The following MAN1A2 variants were observed in gnomAD, a reference collection of about 807,000 sequenced individuals.
MAN1A2 encodes the protein mannosyl-oligosaccharide 1,2-alpha-mannosidase IB.
A neutral mutation model predicts 75.7 loss-of-function variants in MAN1A2; 26 were observed. The observed-to-expected ratio is 0.34, with a 90% CI of 0.25 to 0.48. The LOEUF (loss-of-function observed/expected upper bound fraction) is 0.48. Among genes scored for constraint, MAN1A2 ranks in the 20% least tolerant of loss-of-function variants. MAN1A2 has a pLI of 0.99. For synonymous variants in MAN1A2, 247 were observed against 264.6 expected, an observed-to-expected ratio of 0.93 and a Z score of 0.65; for missense variants, 562 against 775.5, an observed-to-expected ratio of 0.72 and a Z score of 3.27.
At chr1:117,452,104 C>T (rs549930126) in intron 6 of MAN1A2, among the ~76,000 whole-genome samples, 17 of 152,060 alleles carry the variant, frequency 1.1e-4, no homozygotes, top group African/African-American at 3.9e-4. Context: ...GTCAGGAGTT[C>T]GAGACCAGCC....
At chr1:117,425,134 G>T (rs981132641) in intron 5 of MAN1A2, among the ~76,000 whole-genome samples, 15 of 141,496 alleles carry the variant, frequency 1.1e-4, no homozygotes, top group Non-Finnish European at 1.8e-4. Context: ...GGGGAAGGAA[G>T]GGGAAAGGAA....
rs1344904789 is a variant in MAN1A2, at chr1:117,442,159, A to G, written c.856-72A>G. ...CCCAGTACCTTGTGCTATGTATACT[A>G]TGAGAGAGAGAGCAATAAGTAAATG... On this transcript the variant is annotated intron_variant, in intron 5 of 12. Transcript: ENST00000356554. 9.5e-6 allele frequency: 9 copies of G among 950,774 alleles called. No individual in the cohort carries two copies. In the African/African-American group the frequency reaches 1.5e-4, roughly 15 times the overall value. 58.9% of individuals were successfully genotyped at this position (950,774 alleles called of 1,614,324 possible). A position where few individuals can be genotyped will look rare whatever the true frequency, so the allele number is the denominator to read the frequency against.
At chr1:117,404,217 G>A (rs914573034) in intron 2 of MAN1A2, among the ~76,000 whole-genome samples, 3 of 152,112 alleles carry the variant, frequency 2.0e-5, no homozygotes, top group African/African-American at 7.2e-5. Context: ...GAGTTTTCTT[G>A]TAATATCTTT....
chr1:117,503,153 T>C (rs532264449), intron 12 of MAN1A2, among the ~76,000 whole-genome samples, 183 bp downstream of exon 12: 10 of 151,728 alleles, frequency 6.6e-5, no homozygotes, highest in African/African-American at 2.2e-4. Context: ...ATAAGGTAGG[T>C]ATTTTATCAA....
chr1:117,434,793 G>A (rs1570742494), intron 5 of MAN1A2, among the ~76,000 whole-genome samples: 1 of 129,460 alleles, frequency 7.7e-6, no homozygotes, highest in South Asian at 2.5e-4. Context: ...GTGTGTGTGT[G>A]TGTATCCATT....
chr1:117,490,986 T>A (rs1650864339), intron 8 of MAN1A2, among the ~76,000 whole-genome samples: 1 of 151,898 alleles, frequency 6.6e-6, no homozygotes, highest in Non-Finnish European at 1.5e-5. Context: ...AGGAGAAGAG[T>A]TTGAGGCTTA....
At chr1:117,442,545 T>A (rs1465418141) in intron 6 of MAN1A2, among the ~76,000 whole-genome samples, 5 of 152,190 alleles carry the variant, frequency 3.3e-5, no homozygotes. Context: ...TGTCTTAACT[T>A]GATTGCAGTT....
chr1:117,482,318 ATTTACACTCCCACCAACAGTGT>A (rs1188851854), intron 8 of MAN1A2, among the ~76,000 whole-genome samples: 1 of 151,970 alleles, frequency 6.6e-6, no homozygotes, highest in Non-Finnish European at 1.5e-5. Context: ...GGTTGAACTA[ATTTACACTCCCACCAACAGTGT>A]AAAAGTGTTC....
At chr1:117,429,682 G>T (rs1648527645) in intron 5 of MAN1A2, among the ~76,000 whole-genome samples, 1 of 102,764 alleles carries the variant, frequency 9.7e-6, no homozygotes, top group Admixed American at 9.2e-5. Flanking sequence ...TCACCTCCTG[G>T]ACGGGGTGGC....
At chr1:117,417,735 T>A (rs1215343095) in intron 4 of MAN1A2, among the ~76,000 whole-genome samples, 1 of 145,316 alleles carries the variant, frequency 6.9e-6, no homozygotes, top group Non-Finnish European at 1.5e-5. Context: ...CTCTCTCTCA[T>A]CAAAGTATAG....
At chr1:117,445,700 T>C (rs1264072179) in intron 6 of MAN1A2, among the ~76,000 whole-genome samples, 1 of 151,522 alleles carries the variant, frequency 6.6e-6, no homozygotes, top group African/African-American at 2.4e-5. Context: ...GTAATTTTGT[T>C]TATTTTTGTA....
chr1:117,503,559 G>A (rs1028174166), intron 12 of MAN1A2, among the ~76,000 whole-genome samples: 1 of 151,586 alleles, frequency 6.6e-6, no homozygotes, highest in Admixed American at 6.6e-5. Context: ...AACAGACCTG[G>A]AAGAGATGGA....
chr1:117,521,491 G>T (rs1243449798), intron 12 of MAN1A2, among the ~76,000 whole-genome samples: 3 of 151,936 alleles, frequency 2.0e-5, no homozygotes, highest in African/African-American at 7.3e-5. Context: ...CCTTACACCT[G>T]CAAGAATGGC....
chr1:117,371,757 C>A (rs1297936055), intron 1 of MAN1A2, among the ~76,000 whole-genome samples: 1 of 152,072 alleles, frequency 6.6e-6, no homozygotes, highest in Non-Finnish European at 1.5e-5. Context: ...ATTGTTGTTA[C>A]AAAAGTTTGA....
At chr1:117,473,120 T>C (rs1258772129) in intron 8 of MAN1A2, among the ~76,000 whole-genome samples, 1 of 152,038 alleles carries the variant, frequency 6.6e-6, no homozygotes, top group African/African-American at 2.4e-5. Flanking sequence ...TGAAACTTAA[T>C]ATATCTGTAA....
intron 6 of MAN1A2, among the ~76,000 whole-genome samples, chr1:117,458,505 ATATATAGATATATATATATTTTTT>A (rs1649682819): frequency 2.1e-5 from 2 of 94,254 alleles, no homozygotes; most frequent in Non-Finnish European, 4.2e-5. Flanking sequence ...ATCTATATAT[ATATATAGATATATATATATTTTTT>A]TTTTTTTTTT....
In MAN1A2 at chr1:117,483,447, TCCTTCACATC is replaced by T. The variant is rs1650565118; in HGVS notation, c.1169-9695_1169-9686del. 2.0e-5 allele frequency among the ~76,000 whole-genome samples: 3 copies of T among 152,226 alleles called. No individual in the cohort carries two copies. The East Asian group carries it at 5.8e-4, about 29-fold the overall frequency. On this transcript the variant is annotated intron_variant, in intron 8 of 12. Coordinates refer to ENST00000356554, the MANE Select transcript of MAN1A2 (RefSeq NM_006699.5). ...TGGTTTGTAGTTCCCCTTGAAGAGG[TCCTTCACATC>T]CCTTGTAAGTTGGATTCTTAGGTAT...
chr1:117,509,846 C>T (rs912580392), intron 12 of MAN1A2, among the ~76,000 whole-genome samples: 3 of 151,380 alleles, frequency 2.0e-5, no homozygotes, highest in Non-Finnish European at 1.5e-5. Flanking sequence ...CTTTGTGCCT[C>T]ACATCCAATC....
chr1:117,395,393 TC>T (rs1653872082), intron 1 of MAN1A2, among the ~76,000 whole-genome samples: 2 of 152,214 alleles, frequency 1.3e-5, no homozygotes, highest in African/African-American at 4.8e-5. Flanking sequence ...CTTAATTTTT[TC>T]ATAACAAGGT....
Sources: allele counts gnomAD v4.1 joint callset (sites outside exome capture counted in the v4.1 genomes callset), GRCh38; gene constraint gnomAD v4.1.1; transcripts MANE v1.5; gene names NCBI Gene and HGNC (gene_info 2026-07-23, HGNC 2026-07-21).